SMCO2: variants seen among roughly 807,000 people sequenced by gnomAD.
SMCO2 encodes single-pass membrane and coiled-coil domain-containing protein 2.
SMCO2 carries 25 observed loss-of-function variants against 29.5 expected under a neutral mutation model. That is an observed-to-expected ratio of 0.85 (90% CI 0.62 to 1.18). The LOEUF is 1.18. Ranked by LOEUF, SMCO2 falls within the 50% of genes most tolerant of loss-of-function variation. The pLI is 0.00. For missense variants in SMCO2, 348 were observed against 344.5 expected (o/e 1.01, Z -0.08); for synonymous variants, 117 against 123.3 (o/e 0.95, Z 0.34).
At chr12:27,431,642 C>G in the SMCO2 span, among the ~76,000 whole-genome samples, 1 of 152,114 alleles carries the variant, frequency 6.6e-6, no homozygotes, top group Non-Finnish European at 1.5e-5. Context: ...AAAAATCCAT[C>G]CGTCCATTGA....
intron 4 of SMCO2, 122 bp from the exon 5 acceptor site, chr12:27,475,460 C>T: frequency 9.3e-7 from 1 of 1,076,670 alleles, no homozygotes; most frequent in Non-Finnish European, 1.2e-6. Context: ...GCCCACCTGG[C>T]CCATTTTGGT....
intron 7 of SMCO2, chr12:27,497,321 G>A (rs1452444788): frequency 2.4e-5 from 4 of 163,742 alleles, no homozygotes; most frequent in South Asian, 1.7e-4. Flanking sequence ...AATAGATAAA[G>A]AATAATTCTT....
At chr12:27,449,931 G>T in the SMCO2 span, among the ~76,000 whole-genome samples, 1 of 152,122 alleles carries the variant, frequency 6.6e-6, no homozygotes, top group African/African-American at 2.4e-5. Flanking sequence ...TGAAAGACTC[G>T]AGCAGGCAGC....
At chr12:27,465,048 AAAAG>A (rs1479903826), upstream of SMCO2, among the ~76,000 whole-genome samples, 7 of 147,122 alleles carry the variant, frequency 4.8e-5, no homozygotes, top group South Asian at 2.2e-4. Flanking sequence ...AAAAAAAAAA[AAAAG>A]AAAGAAAAGA....
the SMCO2 span, among the ~76,000 whole-genome samples, chr12:27,451,887 C>A: frequency 2.0e-5 from 3 of 152,214 alleles, no homozygotes; most frequent in African/African-American, 4.8e-5. Context: ...TTCTAGAATC[C>A]TCCTGGGCCT....
At chr12:27,494,230 G>T in intron 5 of SMCO2, 70 bp from the exon 7 acceptor site, 1 of 1,006,766 alleles carries the variant, frequency 9.9e-7, no homozygotes. Context: ...GTCAAAATAA[G>T]TGAGATTTTA....
the SMCO2 span, among the ~76,000 whole-genome samples, chr12:27,428,942 G>A: frequency 6.6e-6 from 1 of 151,136 alleles, no homozygotes; most frequent in Middle Eastern, 3.4e-3. Flanking sequence ...TCACCCAAAA[G>A]GCTTCCCATC....
At chr12:27,434,832 G>T in the SMCO2 span, among the ~76,000 whole-genome samples, 2 of 152,082 alleles carry the variant, frequency 1.3e-5, no homozygotes, top group African/African-American at 4.8e-5. Context: ...GAGATGGAAG[G>T]GGTGTCCCAC....
intron 3 of SMCO2, among the ~76,000 whole-genome samples, chr12:27,473,290 C>T (rs1949557138): frequency 6.6e-6 from 1 of 152,092 alleles, no homozygotes; most frequent in South Asian, 2.1e-4. Flanking sequence ...AGGAGAGAAT[C>T]CTTCTTCAGG....
At chr12:27,480,599 G>A (rs1306690323) in intron 4 of SMCO2, among the ~76,000 whole-genome samples, 2 of 152,180 alleles carry the variant, frequency 1.3e-5, no homozygotes, top group Non-Finnish European at 2.9e-5. Context: ...AGTCACAGGG[G>A]CAGATCCCTC....
intron 5 of SMCO2, among the ~76,000 whole-genome samples, chr12:27,492,728 T>A (rs1296380157): frequency 6.6e-6 from 1 of 151,618 alleles, no homozygotes; most frequent in East Asian, 1.9e-4. Flanking sequence ...TTATACACAG[T>A]GGGTGGGAGT....
rs556264472 is a variant in SMCO2 at position 27,469,858 on chromosome 12, C to T, written c.-10-764C>T. 3.3e-5 allele frequency among the ~76,000 whole-genome samples: 5 copies of T among 152,292 alleles called. No individual in the cohort carries two copies. In the East Asian group the frequency reaches 5.8e-4, roughly 18 times the overall value. On this transcript the variant is annotated intron_variant, in intron 1 of 7. Coordinates refer to ENST00000298876, the Ensembl canonical transcript of SMCO2. Reference sequence around the variant, plus strand: ...ACTCCTCTGCTGTCCAGCGAACACCCGCCTATCAGACTGGAAGGAAGGTTC... The same window carrying T: ...ACTCCTCTGCTGTCCAGCGAACACCTGCCTATCAGACTGGAAGGAAGGTTC...
At position 27,488,532 on chromosome 12, in the gene SMCO2, A is replaced by G. The variant is rs76288777; in HGVS notation, c.435A>G (p.Gln145=). Reference sequence around the variant, plus strand: ...AGGACCGGGGCCTTGACCTTGATCAAGGGACAAGCACTGAGGTAAGCTAGA... The same window carrying G: ...AGGACCGGGGCCTTGACCTTGATCAGGGGACAAGCACTGAGGTAAGCTAGA... The change falls in exon 5 of 8, where the codon CAA becomes CAG. Residue 145 remains glutamine, a synonymous_variant. Coordinates refer to ENST00000298876, the Ensembl canonical transcript of SMCO2. 2,193 of 1,540,348 alleles carry G rather than the reference A, an allele frequency of 1.4e-3. 43 individuals are homozygous for G. The African/African-American group carries it at 0.026, about 19-fold the overall frequency.
intron 2 of SMCO2, among the ~76,000 whole-genome samples, chr12:27,471,603 A>G (rs1406550878): frequency 6.6e-6 from 1 of 152,214 alleles, no homozygotes; most frequent in East Asian, 1.9e-4. Flanking sequence ...TTAATTAAGC[A>G]AAATATTAAA....
chr12:27,441,875 G>A, the SMCO2 span, among the ~76,000 whole-genome samples: 8 of 152,228 alleles, frequency 5.3e-5, no homozygotes, highest in East Asian at 9.6e-4. Context: ...TTCTCTGACC[G>A]CAATGGAATA....
chr12:27,470,890 T>G, intron 2 of SMCO2, 125 bp downstream of exon 2: 1 of 1,099,172 alleles, frequency 9.1e-7, no homozygotes, highest in African/African-American at 1.6e-5. Context: ...TTCACTATAA[T>G]TTATCTAATT....
intron 1 of SMCO2, among the ~76,000 whole-genome samples, chr12:27,468,830 T>C (rs1052534716): frequency 1.2e-4 from 18 of 152,180 alleles, no homozygotes; most frequent in African/African-American, 2.7e-4. Flanking sequence ...ACACATAAAA[T>C]GGGGATAATA....
chr12:27,474,816 C>G (rs1355296812), exon 4 of SMCO2: 2 of 1,551,732 alleles, frequency 1.3e-6, no homozygotes, highest in Non-Finnish European at 8.7e-7. Flanking sequence ...TGAGCATGAC[C>G]AGGACCTGAG....
At chr12:27,456,075 C>G in the SMCO2 span, among the ~76,000 whole-genome samples, 8 of 152,126 alleles carry the variant, frequency 5.3e-5, no homozygotes, top group South Asian at 1.5e-3. Context: ...ATTAGCCAGG[C>G]GTGGTGGCCC....
Sources: allele counts gnomAD v4.1 joint callset (sites outside exome capture counted in the v4.1 genomes callset), GRCh38; gene constraint gnomAD v4.1.1; transcripts MANE v1.5; gene names NCBI Gene and HGNC (gene_info 2026-07-23, HGNC 2026-07-21).